Variants in OVCH1 observed in about 807,000 individuals in gnomAD.
The protein encoded by OVCH1 is ovochymase-1.
A neutral mutation model predicts 138.4 loss-of-function variants in OVCH1; 139 were observed. The ratio of observed to expected loss-of-function variants is 1.00; its 90% CI spans 0.87 to 1.16. OVCH1 has a LOEUF of 1.16. OVCH1 is among the 50% of genes most tolerant of loss of function. OVCH1 has a pLI of 0.00. For missense variants in OVCH1, 1,367 were observed against 1,357.9 expected (o/e 1.01, Z -0.11); for synonymous variants, 453 against 467.8 (o/e 0.97, Z 0.41).
chr12:29,495,571 TGAA>T (rs769978283), intron 3 of OVCH1, 114 bp from the exon 4 acceptor site: 71 of 935,730 alleles, frequency 7.6e-5, no homozygotes, highest in East Asian at 1.4e-4. Context: ...CCTGAGTCTT[TGAA>T]GAAGGTTTTC....
At chr12:29,496,867 C>T (rs191977523) in intron 1 of OVCH1, among the ~76,000 whole-genome samples, 193 bp from the exon 2 acceptor site, 1,645 of 152,340 alleles carry the variant, frequency 0.011, 11 homozygotes, top group Middle Eastern at 0.024. Flanking sequence ...GAATTTGCCT[C>T]CTGTCTGCTC....
intron 9 of OVCH1, chr12:29,477,695 A>T: frequency 8.3e-7 from 1 of 1,199,036 alleles, no homozygotes; most frequent in South Asian, 1.5e-5. Flanking sequence ...AATTCTACTT[A>T]TTCTTCAGGG....
intron 22 of OVCH1, 148 bp from the exon 23 acceptor site, chr12:29,445,551 G>T: frequency 1.2e-6 from 1 of 817,842 alleles, no homozygotes; most frequent in Non-Finnish European, 1.8e-6. Context: ...GAACATAAGT[G>T]ACTCACTCAA....
chr12:29,409,557 C>T (rs1317426666), downstream of OVCH1, among the ~76,000 whole-genome samples: 1 of 151,946 alleles, frequency 6.6e-6, no homozygotes, highest in Non-Finnish European at 1.5e-5. Context: ...GCCTTCATTT[C>T]GTTATGTACC....
intron 3 of OVCH1, among the ~76,000 whole-genome samples, chr12:29,418,710 G>C (rs929047950): frequency 4.6e-5 from 7 of 152,158 alleles, no homozygotes; most frequent in Admixed American, 3.9e-4. Context: ...TCAAATCACT[G>C]CTTCCCATGT....
intron 26 of OVCH1, among the ~76,000 whole-genome samples, chr12:29,438,750 A>G (rs1941411351): frequency 6.6e-6 from 1 of 152,188 alleles, no homozygotes; most frequent in Non-Finnish European, 1.5e-5. Context: ...TTTTACTGCT[A>G]TGGTTTTAAG....
chr12:29,486,464 G>C (rs1190488272), intron 7 of OVCH1, 116 bp from the exon 8 acceptor site: 2 of 801,204 alleles, frequency 2.5e-6, no homozygotes, highest in Non-Finnish European at 3.8e-6. Context: ...TAAAATCAAT[G>C]CAGAGGGAAT....
intron 3 of OVCH1, 99 bp downstream of exon 3, chr12:29,496,079 TAAG>T: frequency 1.8e-6 from 2 of 1,089,416 alleles, no homozygotes; most frequent in Non-Finnish European, 2.7e-6. Context: ...GAGGCAAAAG[TAAG>T]AAAGGGACTG....
At chr12:29,450,063 C>G (rs182532765) in intron 22 of OVCH1, among the ~76,000 whole-genome samples, 54 of 152,200 alleles carry the variant, frequency 3.5e-4, no homozygotes, top group South Asian at 2.1e-4. Flanking sequence ...CCCTAAAAAC[C>G]CTAGAAGAAA....
chr12:29,496,373 T>C lies in OVCH1; in HGVS notation c.184-95A>G, dbSNP rs147909235. 215 of 1,211,042 alleles carry C rather than the reference T, an allele frequency of 1.8e-4. 3 individuals are homozygous for C. The East Asian group carries it at 4.0e-3, about 23-fold the overall frequency. 75.0% of individuals were successfully genotyped at this position (1,211,042 alleles called of 1,614,324 possible). ...GGAGATCAACTTTTCTAATCTGACA[T>C]AATATTCTTAAAATACCGACATAAA... On this transcript the variant is annotated intron_variant, in intron 2 of 27. Coordinates refer to ENST00000318184, the Ensembl canonical transcript of OVCH1.
intron 5 of OVCH1, among the ~76,000 whole-genome samples, chr12:29,489,994 G>A (rs10771543): frequency 0.4 from 60,465 of 152,006 alleles, 12,270 homozygotes; most frequent in Middle Eastern, 0.51. Flanking sequence ...TTGTACAATT[G>A]TGGCTGCTCT....
intron 13 of OVCH1, among the ~76,000 whole-genome samples, chr12:29,475,550 T>G (rs1942676965): frequency 6.6e-6 from 1 of 152,028 alleles, no homozygotes; most frequent in Non-Finnish European, 1.5e-5. Context: ...GAGGTAACAC[T>G]CGAAGTCACT....
rs921977605 is a variant in OVCH1, at chr12:29,414,273, C to A, written c.*72-1548G>T. Reference sequence around the variant, plus strand: ...ACTCCTGACCTCAGGTGATCCACCCCCCTCAGCCTCCCAAAGTGCTGGGAT... The same window carrying A: ...ACTCCTGACCTCAGGTGATCCACCCACCTCAGCCTCCCAAAGTGCTGGGAT... On this transcript the variant is annotated intron_variant and NMD_transcript_variant, in intron 3 of 4. Coordinates refer to the OVCH1 transcript ENST00000539117. 2.0e-5 allele frequency among the ~76,000 whole-genome samples: 3 copies of A among 151,994 alleles called. No individual in the cohort carries two copies. The South Asian group carries it at 6.2e-4, about 32-fold the overall frequency.
chr12:29,473,961 A>C (rs778477778), intron 14 of OVCH1, among the ~76,000 whole-genome samples: 3 of 151,984 alleles, frequency 2.0e-5, no homozygotes, highest in African/African-American at 7.3e-5. Flanking sequence ...ACTGGACTCC[A>C]AGTTCTTCAG....
At chr12:29,474,225 C>T (rs1942626613) in intron 14 of OVCH1, among the ~76,000 whole-genome samples, 1 of 152,032 alleles carries the variant, frequency 6.6e-6, no homozygotes, top group African/African-American at 2.4e-5. Context: ...AAATTCTTTA[C>T]AATGATTTTC....
chr12:29,464,340 TA>T, intron 18 of OVCH1, 166 bp downstream of exon 18: 2 of 815,108 alleles, frequency 2.5e-6, no homozygotes, highest in Non-Finnish European at 4.0e-6. Context: ...AAGTTTTAAA[TA>T]GCTCATTCTC....
downstream of OVCH1, among the ~76,000 whole-genome samples, chr12:29,412,311 C>T (rs1238348662): frequency 2.0e-5 from 3 of 152,090 alleles, no homozygotes; most frequent in East Asian, 1.9e-4. Flanking sequence ...GAGCTGCGCA[C>T]GGTGAGCTGC....
intron 8 of OVCH1, among the ~76,000 whole-genome samples, chr12:29,483,449 A>G (rs1942997692): frequency 6.6e-6 from 1 of 152,242 alleles, no homozygotes; most frequent in Admixed American, 6.5e-5. Context: ...TGTACTTGAA[A>G]TAAATATTTA....
At chr12:29,464,200 T>A (rs972190867) in intron 18 of OVCH1, among the ~76,000 whole-genome samples, 1 of 152,190 alleles carries the variant, frequency 6.6e-6, no homozygotes, top group Admixed American at 6.5e-5. Flanking sequence ...GCTATAACAG[T>A]AGACTTAAAT....
Sources: gnomAD v4.1 joint callset for allele counts (sites outside exome capture counted in the v4.1 genomes callset) on GRCh38, gnomAD v4.1.1 for gene constraint, MANE v1.5 for transcripts, NCBI Gene and HGNC (gene_info 2026-07-23, HGNC 2026-07-21) for gene names.